ADGRL2: variants seen among roughly 807,000 people sequenced by gnomAD.
ADGRL2 encodes adhesion G protein-coupled receptor L2.
A neutral mutation model predicts 157.4 loss-of-function variants in ADGRL2; 44 were observed. That is an observed-to-expected ratio of 0.28 (90% CI 0.22 to 0.36). The LOEUF (loss-of-function observed/expected upper bound fraction) is 0.36. ADGRL2 is among the 10% of genes least tolerant of loss of function. ADGRL2 has a pLI of 1.00. For missense variants in ADGRL2, 1,510 were observed against 1,768.9 expected (o/e 0.85, Z 2.63); for synonymous variants, 585 against 624.7 (o/e 0.94, Z 0.95).
At chr1:81,743,686 T>C (rs2085151950) in intron 1 of ADGRL2, among the ~76,000 whole-genome samples, 1 of 152,060 alleles carries the variant, frequency 6.6e-6, no homozygotes, top group Non-Finnish European at 1.5e-5. Context: ...CATTTTACTT[T>C]TTTCTCCCAG....
chr1:81,574,373 G>A (rs2148509922), intron 2 of ADGRL2, among the ~76,000 whole-genome samples: 1 of 152,224 alleles, frequency 6.6e-6, no homozygotes, highest in African/African-American at 2.4e-5. Flanking sequence ...TGCCAAATGG[G>A]GTGAAGCCCA....
At chr1:81,332,779 T>C (rs564675437) in intron 1 of ADGRL2, among the ~76,000 whole-genome samples, 1 of 152,294 alleles carries the variant, frequency 6.6e-6, no homozygotes, top group Admixed American at 6.5e-5. Flanking sequence ...AGCAAGAAAG[T>C]TTTAAAAAGA....
chr1:81,942,182 T>A (rs1253846130), intron 5 of ADGRL2, 137 bp downstream of exon 5: 2 of 459,124 alleles, frequency 4.4e-6, no homozygotes, highest in Non-Finnish European at 8.0e-6. Context: ...CATAAGGAAG[T>A]CAACTGTTTA....
At chr1:81,606,104 C>T (rs1307985989) in intron 3 of ADGRL2, among the ~76,000 whole-genome samples, 3 of 152,126 alleles carry the variant, frequency 2.0e-5, no homozygotes, top group East Asian at 1.9e-4. Flanking sequence ...TCGTGAGCTC[C>T]TCTATCTTTC....
chr1:81,428,442 A>C lies in ADGRL2; in HGVS notation c.-301-16594A>C, dbSNP rs113753222. On this transcript the variant is annotated intron_variant, in intron 1 of 24. Coordinates refer to the ADGRL2 transcript ENST00000370721. ...CACTCCCTGAAGGTTCAAGAATTTG[A>C]GCCTATAAGACAAACTGACAGATTA... 3.5e-3 allele frequency among the ~76,000 whole-genome samples: 529 copies of C among 152,350 alleles called. 1 individual carries two copies. The highest frequency in any genetic ancestry group is 0.012 in the African/African-American group (507 of 41,584).
intron 1 of ADGRL2, among the ~76,000 whole-genome samples, chr1:81,348,307 C>T (rs1662627357): frequency 6.6e-6 from 1 of 152,120 alleles, no homozygotes; most frequent in Non-Finnish European, 1.5e-5. Context: ...AAACACACAT[C>T]CCTGATTTAA....
intron 3 of ADGRL2, among the ~76,000 whole-genome samples, chr1:81,620,843 T>C (rs2081774133): frequency 6.6e-6 from 1 of 152,226 alleles, no homozygotes; most frequent in African/African-American, 2.4e-5. Flanking sequence ...TAGTATTCAC[T>C]GGAATCGTCA....
At chr1:81,838,792 A>G (rs974534581) in intron 2 of ADGRL2, among the ~76,000 whole-genome samples, 3 of 151,950 alleles carry the variant, frequency 2.0e-5, no homozygotes, top group African/African-American at 7.2e-5. Flanking sequence ...CTGCAGCTTT[A>G]TTTTCAGTGT....
intron 2 of ADGRL2, among the ~76,000 whole-genome samples, chr1:81,896,227 T>A (rs1363094524): frequency 1.3e-5 from 2 of 152,306 alleles, no homozygotes; most frequent in East Asian, 3.9e-4. Context: ...GAATTTTAAT[T>A]TGCTAGGACA....
chr1:81,725,383 C>T (rs2084487222), intron 1 of ADGRL2, among the ~76,000 whole-genome samples: 1 of 151,352 alleles, frequency 6.6e-6, no homozygotes, highest in African/African-American at 2.4e-5. Context: ...ACTAAAAATA[C>T]AAAAAATTAG....
At chr1:81,477,733 A>C (rs933264993) in intron 2 of ADGRL2, among the ~76,000 whole-genome samples, 2 of 152,228 alleles carry the variant, frequency 1.3e-5, no homozygotes, top group African/African-American at 2.4e-5. Flanking sequence ...TGTATTAAAC[A>C]GTCTAAAGTC....
intron 2 of ADGRL2, among the ~76,000 whole-genome samples, chr1:81,845,167 C>A (rs898492108): frequency 6.6e-6 from 1 of 151,846 alleles, no homozygotes; most frequent in Non-Finnish European, 1.5e-5. Context: ...TATTACTATG[C>A]CATTACATAT....
intron 2 of ADGRL2, among the ~76,000 whole-genome samples, chr1:81,447,026 C>T (rs2077609794): frequency 2.6e-5 from 4 of 151,990 alleles, no homozygotes; most frequent in Admixed American, 2.6e-4. Flanking sequence ...GAAGTTTGAT[C>T]TTTTTAGAAC....
chr1:81,773,601 G>C (rs1425626699), intron 2 of ADGRL2, among the ~76,000 whole-genome samples: 1 of 152,128 alleles, frequency 6.6e-6, no homozygotes, highest in African/African-American at 2.4e-5. Flanking sequence ...ATTCCATTAG[G>C]AAGCCCTTCC....
intron 2 of ADGRL2, among the ~76,000 whole-genome samples, chr1:81,865,033 G>A (rs1443418015): frequency 6.6e-6 from 1 of 152,054 alleles, no homozygotes; most frequent in East Asian, 1.9e-4. Context: ...ACGGCTTCCA[G>A]TATACCACTT....
chr1:81,503,475 A>C (rs2078900259), intron 2 of ADGRL2: 1 of 1,611,104 alleles, frequency 6.2e-7, no homozygotes, highest in Admixed American at 1.7e-5. Context: ...TCTGATGGGC[A>C]GGACCCAGCT....
chr1:81,825,192 A>C (rs1022404153), intron 1 of ADGRL2, among the ~76,000 whole-genome samples: 1 of 152,100 alleles, frequency 6.6e-6, no homozygotes, highest in Non-Finnish European at 1.5e-5. Flanking sequence ...AATACTAAAA[A>C]TCAAAAATAA....
chr1:81,742,658 CTGTTGT>C (rs1442840262), intron 1 of ADGRL2, among the ~76,000 whole-genome samples: 2 of 152,096 alleles, frequency 1.3e-5, no homozygotes, highest in Non-Finnish European at 2.9e-5. Flanking sequence ...GACATTTTTC[CTGTTGT>C]GATTGTTATT....
intron 19 of ADGRL2, among the ~76,000 whole-genome samples, chr1:81,983,059 T>TTATATACAGGCA (rs3838454): frequency 0.22 from 32,703 of 151,756 alleles, 4,028 homozygotes; most frequent in East Asian, 0.6. Context: ...AGTGAGCATT[T>TTATATACAGGCA]TATTATTGTA....
Sources: allele counts gnomAD v4.1 joint callset (sites outside exome capture counted in the v4.1 genomes callset), GRCh38; gene constraint gnomAD v4.1.1; transcripts MANE v1.5; gene names NCBI Gene and HGNC (gene_info 2026-07-23, HGNC 2026-07-21).